MRPS28: variants seen among roughly 807,000 people sequenced by gnomAD.
MRPS28 encodes small ribosomal subunit protein bS1m.
MRPS28 carries 7 observed loss-of-function variants against 10.8 expected under a neutral mutation model. That is an observed-to-expected ratio of 0.65 (90% CI 0.37 to 1.22). MRPS28 has a LOEUF of 1.22. MRPS28 is among the 50% of genes most tolerant of loss of function. MRPS28 has a pLI of 0.02. For synonymous variants in MRPS28, 121 were observed against 93.3 expected (o/e 1.30, Z -1.71); for missense variants, 265 against 232.9 (o/e 1.14, Z -0.90).
At chr8:79,958,748 C>A (rs1479859087) in intron 2 of MRPS28, among the ~76,000 whole-genome samples, 1 of 152,116 alleles carries the variant, frequency 6.6e-6, no homozygotes, top group Non-Finnish European at 1.5e-5. Flanking sequence ...ACACTGGATT[C>A]TGCTGGTATG....
chr8:79,981,369 AC>A (rs1452304801), intron 2 of MRPS28, among the ~76,000 whole-genome samples: 1 of 152,202 alleles, frequency 6.6e-6, no homozygotes, highest in Admixed American at 6.5e-5. Flanking sequence ...TATTTAAAAA[AC>A]AAGCTAAATT....
At chr8:80,024,377 C>T (rs1015330068) in intron 1 of MRPS28, among the ~76,000 whole-genome samples, 1 of 152,140 alleles carries the variant, frequency 6.6e-6, no homozygotes, top group South Asian at 2.1e-4. Context: ...CTACAACCAC[C>T]ATACAGAACA....
At chr8:79,997,643 T>C (rs1369680357) in intron 2 of MRPS28, among the ~76,000 whole-genome samples, 1 of 151,852 alleles carries the variant, frequency 6.6e-6, no homozygotes, top group African/African-American at 2.4e-5. Flanking sequence ...TTTTCTGTTA[T>C]GGAGTCTTTC....
At chr8:80,013,634 CAA>C (rs5892700) in intron 1 of MRPS28, among the ~76,000 whole-genome samples, 1,008 of 75,624 alleles carry the variant, frequency 0.013, 5 homozygotes, top group South Asian at 0.053. Flanking sequence ...GACTCCATCT[CAA>C]AAAAAAAAAA....
At chr8:79,989,592 G>A (rs1808298577) in intron 2 of MRPS28, among the ~76,000 whole-genome samples, 2 of 152,136 alleles carry the variant, frequency 1.3e-5, no homozygotes, top group South Asian at 2.1e-4. Context: ...TAGAAATTTA[G>A]CTTTTTTTCT....
chr8:80,020,717 C>G (rs1186013080), intron 1 of MRPS28, among the ~76,000 whole-genome samples: 2 of 152,046 alleles, frequency 1.3e-5, no homozygotes, highest in East Asian at 3.9e-4. Context: ...ACCAAGAAAG[C>G]AAGCAAGAAA....
intron 1 of MRPS28, among the ~76,000 whole-genome samples, chr8:80,006,200 T>A (rs958572090): frequency 2.0e-5 from 3 of 152,132 alleles, no homozygotes; most frequent in South Asian, 2.1e-4. Context: ...CAGCACCACA[T>A]CACACTTATT....
intron 2 of MRPS28, among the ~76,000 whole-genome samples, chr8:79,921,144 T>C (rs1810082049): frequency 6.6e-6 from 1 of 150,802 alleles, no homozygotes; most frequent in Non-Finnish European, 1.5e-5. Flanking sequence ...GTTCCATTGG[T>C]CTATATCTCT....
chr8:79,986,724 T>C (rs1446654056), intron 2 of MRPS28, among the ~76,000 whole-genome samples: 2 of 151,780 alleles, frequency 1.3e-5, no homozygotes, highest in East Asian at 1.9e-4. Flanking sequence ...ACAAGGGATG[T>C]GAAGGACCTC....
chr8:80,020,958 T>C (rs1033632813), intron 1 of MRPS28, among the ~76,000 whole-genome samples: 2 of 151,340 alleles, frequency 1.3e-5, no homozygotes, highest in African/African-American at 2.4e-5. Flanking sequence ...TTAAAATGTA[T>C]ATAACAAAAG....
chr8:79,919,937 T>TCCCCCCCC (rs372831451), intron 2 of MRPS28, among the ~76,000 whole-genome samples: 3 of 102,160 alleles, frequency 2.9e-5, no homozygotes, highest in Non-Finnish European at 3.8e-5. Flanking sequence ...CCTAATGCTA[T>TCCCCCCCC]CCCTCCCCCC....
At chr8:79,923,217 A>G (rs1370595072) in intron 2 of MRPS28, among the ~76,000 whole-genome samples, 2 of 152,218 alleles carry the variant, frequency 1.3e-5, no homozygotes, top group African/African-American at 4.8e-5. Context: ...TGTTACAGAT[A>G]GAAAAATTAT....
intron 2 of MRPS28, among the ~76,000 whole-genome samples, chr8:79,943,646 C>G (rs2129940879): frequency 6.6e-6 from 1 of 152,264 alleles, no homozygotes; most frequent in South Asian, 2.1e-4. Flanking sequence ...CAGCATACAA[C>G]TGAATTTGAA....
intron 2 of MRPS28, among the ~76,000 whole-genome samples, chr8:79,940,347 T>C (rs1806733788): frequency 6.6e-6 from 1 of 152,234 alleles, no homozygotes; most frequent in African/African-American, 2.4e-5. Flanking sequence ...TTAAAATCAT[T>C]AAACATTTTT....
intron 1 of MRPS28, among the ~76,000 whole-genome samples, chr8:80,005,708 A>G (rs1808820878): frequency 1.3e-5 from 2 of 152,238 alleles, no homozygotes; most frequent in Admixed American, 1.3e-4. Flanking sequence ...TAAAGAGTCA[A>G]GACCCATCAG....
At position 79,985,462 on chromosome 8, in the gene MRPS28, C is replaced by G. The variant is rs963933712; in HGVS notation, c.395+17537G>C. Among the ~76,000 whole-genome samples, 47 of 152,168 alleles carry G rather than the reference C, an allele frequency of 3.1e-4. 1 individual carries two copies. Among genetic ancestry groups the G allele is most frequent in the African/African-American group, 1.1e-3 (46 of 41,546 alleles). On this transcript the variant is annotated intron_variant, in intron 2 of 2. Transcript: ENST00000276585. Reference sequence around the variant, plus strand: ...GAAGGAAATAGAGACACAAAAAACCCTTCAAAAAATTAATGAATCCAGGAG... The same window carrying G: ...GAAGGAAATAGAGACACAAAAAACCGTTCAAAAAATTAATGAATCCAGGAG...
At chr8:79,962,819 C>T (rs1230980210) in intron 2 of MRPS28, among the ~76,000 whole-genome samples, 2 of 152,082 alleles carry the variant, frequency 1.3e-5, no homozygotes, top group Admixed American at 1.3e-4. Context: ...TGATTCTTCT[C>T]CACAGGACAT....
At chr8:79,920,280 T>A (rs926275111) in intron 2 of MRPS28, among the ~76,000 whole-genome samples, 13 of 152,196 alleles carry the variant, frequency 8.5e-5, no homozygotes, top group Admixed American at 1.3e-4. Context: ...TAGCAGCATG[T>A]TTTATAATCC....
chr8:79,958,409 C>G, intron 2 of MRPS28: 1 of 694,868 alleles, frequency 1.4e-6, no homozygotes, highest in Non-Finnish European at 2.6e-6. Flanking sequence ...AAATCTCCTC[C>G]AAACAGCATA....
Sources: allele counts gnomAD v4.1 joint callset (sites outside exome capture counted in the v4.1 genomes callset), GRCh38; gene constraint gnomAD v4.1.1; transcripts MANE v1.5; gene names NCBI Gene and HGNC (gene_info 2026-07-23, HGNC 2026-07-21).